The following NBN variants were observed in gnomAD, a reference collection of about 807,000 sequenced individuals.
NBN encodes the protein nibrin, also known as Nijmegen breakage syndrome 1 (nibrin).
Under a neutral mutation model 90.8 loss-of-function variants are expected in NBN, and 88 were observed. The observed-to-expected ratio is 0.97, with a 90% confidence interval of 0.82 to 1.16. NBN has a LOEUF of 1.16. NBN is among the 50% of genes most tolerant of loss of function. The pLI, the probability that NBN is intolerant of heterozygous loss-of-function variation, is 0.00. For missense variants in NBN, 894 were observed against 869.6 expected (o/e 1.03, Z -0.35); for synonymous variants, 328 against 295.1 (o/e 1.11, Z -1.14).
intron 15 of NBN, among the ~76,000 whole-genome samples, chr8:89,936,777 G>A (rs1313356529): frequency 2.6e-5 from 4 of 152,066 alleles, no homozygotes; most frequent in Admixed American, 1.3e-4. Context: ...CACACAATTC[G>A]GGAACCGTCT....
intron 7 of NBN, among the ~76,000 whole-genome samples, chr8:89,969,226 A>ATTAT (rs1192768196): frequency 6.6e-6 from 1 of 152,238 alleles, no homozygotes; most frequent in African/African-American, 2.4e-5. Context: ...CAATGCTAAG[A>ATTAT]TTATTAATGC....
At chr8:89,953,837 T>C (rs1450642503) in intron 10 of NBN, 146 bp from the exon 11 acceptor site, 11 of 695,976 alleles carry the variant, frequency 1.6e-5, no homozygotes, top group South Asian at 1.3e-4. Flanking sequence ...AATCAACAAA[T>C]AGACCTTTGA....
At chr8:89,984,349 C>T in intron 1 of NBN, 176 bp downstream of exon 1, 1 of 676,800 alleles carries the variant, frequency 1.5e-6, no homozygotes, top group South Asian at 1.8e-5. Context: ...AGCTCACAGC[C>T]GCCGTGCTGC....
chr8:89,942,494 G>C (rs1272983610), intron 14 of NBN, among the ~76,000 whole-genome samples: 1 of 152,052 alleles, frequency 6.6e-6, no homozygotes, highest in African/African-American at 2.4e-5. Flanking sequence ...GCACAAACTT[G>C]AAAACAAGGT....
At position 89,982,875 on chromosome 8, in the gene NBN, A is replaced by T. The variant is rs774709748; in HGVS notation, c.38-20T>A. ...GTTCTCCTGAGATAAATTTTTTTTT[A>T]AAAAAAGATAAGTTGATAGACACAT... is the stretch of plus-strand genomic sequence containing the variant. On this transcript the variant is annotated intron_variant, in intron 1 of 15. Transcript: ENST00000265433. The T allele has an allele frequency of 1.9e-5, 30 of 1,607,538 alleles. No individual in the cohort carries two copies. The highest frequency in any genetic ancestry group is 1.7e-4 in the Middle Eastern group (1 of 6,048).
intron 10 of NBN, among the ~76,000 whole-genome samples, chr8:89,954,509 A>G (rs1318000910): frequency 2.0e-5 from 3 of 152,126 alleles, no homozygotes; most frequent in Non-Finnish European, 4.4e-5. Flanking sequence ...AAGAGTCAAA[A>G]ATTGTAACAA....
At chr8:89,939,438 G>GC (rs755857686) in intron 14 of NBN, among the ~76,000 whole-genome samples, 14 of 126,228 alleles carry the variant, frequency 1.1e-4, no homozygotes, top group Non-Finnish European at 2.3e-4. Context: ...AATGAAATAA[G>GC]CAAAAAAAAA....
chr8:89,975,383 C>T (rs558163904), intron 5 of NBN, among the ~76,000 whole-genome samples: 25 of 152,274 alleles, frequency 1.6e-4, no homozygotes, highest in African/African-American at 6.0e-4. Flanking sequence ...CTTTTCGTAA[C>T]CCATTCCTTC....
chr8:89,938,894 G>A (rs1283603776), intron 14 of NBN, among the ~76,000 whole-genome samples: 1 of 152,106 alleles, frequency 6.6e-6, no homozygotes, highest in South Asian at 2.1e-4. Context: ...AGGTTGCCTG[G>A]GGAATAAAGT....
chr8:89,963,079 A>G (rs1306000480), intron 8 of NBN, among the ~76,000 whole-genome samples: 1 of 152,168 alleles, frequency 6.6e-6, no homozygotes, highest in East Asian at 1.9e-4. Context: ...AAGTTTGATG[A>G]TGGTAAAGTG....
Position 89,971,110 on chromosome 8 carries a change from G to A in NBN, c.702+63C>T, listed in dbSNP as rs892223916. ...AATACGTTAACAACTACTGATAAGA[G>A]TTAATAATGTATCCTAGTTTGTAAT... On this transcript the variant is annotated intron_variant, in intron 6 of 15. Coordinates refer to ENST00000265433, the MANE Select transcript of NBN (RefSeq NM_002485.5). 5.3e-6 allele frequency: 8 copies of A among 1,512,830 alleles called. No homozygotes were observed. In the African/African-American group the frequency reaches 9.6e-5, roughly 18 times the overall value. The allele number at this position is 1,512,830 out of a possible 1,614,324, so 93.7% of individuals were successfully genotyped here.
chr8:89,946,391 C>G (rs1810195824), intron 12 of NBN, 96 bp from the exon 13 acceptor site: 9 of 1,049,322 alleles, frequency 8.6e-6, no homozygotes, highest in Non-Finnish European at 1.3e-5. Context: ...GTTCAAATAC[C>G]TGAAAAAATA....
In NBN at chr8:89,981,417, G is replaced by A. The variant is rs12721593; in HGVS notation, c.278C>T (p.Ser93Leu). The change falls in exon 3 of 16, where the codon TCG (serine) becomes TTG (leucine). Residue 93 changes from serine (S) to leucine (L), a missense_variant. Ser to Leu is a moderately radical substitution (Grantham distance 145). Transcript: ENST00000265433. ...MQNGFSRTLK[S>L]GDGITFGVFG... is the part of the protein sequence containing the mutation. Reference sequence around the variant, plus strand: ...CACTCCAAAAGTAATACCATCCCCCGACTTCAAAGTTCGGGAAAAGCCATT... The same window carrying A: ...CACTCCAAAAGTAATACCATCCCCCAACTTCAAAGTTCGGGAAAAGCCATT... 3.7e-4 allele frequency: 591 copies of A among 1,613,852 alleles called. 5 individuals carry two copies. The South Asian group carries it at 4.5e-3, about 12-fold the overall frequency.
At chr8:89,984,066 CAA>C (rs1464188213) in intron 1 of NBN, 1 of 181,754 alleles carries the variant, frequency 5.5e-6, no homozygotes, top group African/African-American at 2.4e-5. Context: ...GAGTCTGAAA[CAA>C]AACTGAAAGT....
intron 14 of NBN, chr8:89,937,438 C>T (rs1809744940): frequency 7.8e-6 from 2 of 255,178 alleles, no homozygotes; most frequent in South Asian, 4.6e-5. Context: ...GCAACATTTA[C>T]CCCACCTTCA....
chr8:89,973,657 A>T (rs1393267486), intron 5 of NBN, among the ~76,000 whole-genome samples: 1 of 152,224 alleles, frequency 6.6e-6, no homozygotes, highest in Non-Finnish European at 1.5e-5. Context: ...AAGACTAGTG[A>T]TGAATGTGAA....
intron 5 of NBN, 80 bp downstream of exon 5, chr8:89,978,140 T>C (rs1360008277): frequency 1.6e-6 from 2 of 1,219,702 alleles, no homozygotes; most frequent in Non-Finnish European, 2.4e-6. Flanking sequence ...GAAACAAGCA[T>C]TAAAGAGGGA....
rs1270578412 is a variant in NBN, at chr8:89,933,693, G to A, written c.*1889C>T. On this transcript the variant is annotated 3_prime_UTR_variant, in exon 16 of 16. Transcript: ENST00000265433. ...AATAGAGCAGAATATCTGAAATCTTGGGGTTAAATTGGAGAGAAAAAATAT... is the reference window on the plus strand; with the variant it reads ...AATAGAGCAGAATATCTGAAATCTTAGGGTTAAATTGGAGAGAAAAAATAT... 2.6e-5 allele frequency: 6 copies of A among 232,128 alleles called. No homozygotes were observed. The highest frequency in any genetic ancestry group is 4.4e-5 in the African/African-American group (2 of 45,210). 14.4% of individuals were successfully genotyped at this position (232,128 alleles called of 1,614,324 possible).
chr8:89,937,952 C>G (rs1809768463), intron 14 of NBN, among the ~76,000 whole-genome samples: 1 of 152,102 alleles, frequency 6.6e-6, no homozygotes, highest in South Asian at 2.1e-4. Flanking sequence ...TTCCCTCTTC[C>G]CACATGTAAC....
Sources: gnomAD v4.1 joint callset for allele counts (sites outside exome capture counted in the v4.1 genomes callset) on GRCh38, gnomAD v4.1.1 for gene constraint, MANE v1.5 for transcripts, NCBI Gene and HGNC (gene_info 2026-07-23, HGNC 2026-07-21) for gene names.